Variants in UTRN observed in about 807,000 individuals in gnomAD.
UTRN encodes utrophin.
In UTRN, 283 loss-of-function variants were observed where a neutral mutation model predicts 463.9. The observed-to-expected ratio is 0.61, with a 90% CI of 0.55 to 0.67. The LOEUF is 0.67. Ranked by LOEUF, UTRN falls within the 30% of genes least tolerant of loss-of-function variation. The probability of loss-of-function intolerance (pLI) is 0.00; values close to 1 mark genes in which losing one functional copy is unlikely to be tolerated. For synonymous variants in UTRN, 1,442 were observed against 1,431.5 expected (o/e 1.01, Z -0.17); for missense variants, 3,922 against 4,084.3 (o/e 0.96, Z 1.08).
chr6:144,521,936 GATATAT>G (rs371296883), intron 39 of UTRN, 38 bp from the exon 40 acceptor site: 17 of 841,988 alleles, frequency 2.0e-5, no homozygotes, highest in South Asian at 3.4e-5. Context: ...TATTTTAAGA[GATATAT>G]ATATATATAT....
At chr6:144,423,007 C>A (rs1193893126) in intron 4 of UTRN, among the ~76,000 whole-genome samples, 2 of 152,216 alleles carry the variant, frequency 1.3e-5, no homozygotes, top group Non-Finnish European at 2.9e-5. Flanking sequence ...TGGGAATTCC[C>A]TGCCTTCCGA....
At chr6:144,294,726 A>T (rs1435698278) in intron 2 of UTRN, among the ~76,000 whole-genome samples, 1 of 152,128 alleles carries the variant, frequency 6.6e-6, no homozygotes, top group East Asian at 1.9e-4. Flanking sequence ...ATTTTATGTT[A>T]AGTTATTGTG....
intron 51 of UTRN, among the ~76,000 whole-genome samples, chr6:144,628,457 C>G (rs1020966106): frequency 1.3e-5 from 2 of 152,056 alleles, no homozygotes; most frequent in African/African-American, 2.4e-5. Flanking sequence ...CACCAGAAAC[C>G]ATTGGTTTCT....
At chr6:144,741,182 T>C (rs1790030465) in intron 54 of UTRN, among the ~76,000 whole-genome samples, 1 of 152,230 alleles carries the variant, frequency 6.6e-6, no homozygotes, top group African/African-American at 2.4e-5. Flanking sequence ...TCATCACTTA[T>C]TTTGGCAGTA....
chr6:144,714,814 A>G (rs895358149), intron 53 of UTRN, among the ~76,000 whole-genome samples: 1 of 152,066 alleles, frequency 6.6e-6, no homozygotes, highest in Non-Finnish European at 1.5e-5. Context: ...GTGTTGGCTG[A>G]GCTTTGACTA....
intron 51 of UTRN, among the ~76,000 whole-genome samples, chr6:144,653,903 A>C (rs945743393): frequency 1.3e-5 from 2 of 152,230 alleles, no homozygotes; most frequent in Non-Finnish European, 2.9e-5. Flanking sequence ...AAAGTAAAGG[A>C]ATTCTTCATT....
At chr6:144,807,153 T>A (rs573049252) in intron 65 of UTRN, among the ~76,000 whole-genome samples, 1 of 152,236 alleles carries the variant, frequency 6.6e-6, no homozygotes, top group East Asian at 1.9e-4. Flanking sequence ...GATGCTCCAG[T>A]CACCTTACTG....
intron 23 of UTRN, among the ~76,000 whole-genome samples, chr6:144,464,782 G>A (rs940330693): frequency 2.0e-5 from 3 of 152,126 alleles, no homozygotes; most frequent in African/African-American, 4.8e-5. Flanking sequence ...TTACAGACAT[G>A]AGCCACCATG....
At chr6:144,537,302 G>A (rs977707462) in intron 43 of UTRN, among the ~76,000 whole-genome samples, 4 of 151,768 alleles carry the variant, frequency 2.6e-5, no homozygotes, top group Non-Finnish European at 4.4e-5. Context: ...AAAGGCTTTT[G>A]TATTCAATTT....
rs370658710 is a variant in UTRN at position 144,542,437 on chromosome 6, TG to T, written c.6520-356del. Among the ~76,000 whole-genome samples, 10 of 152,112 alleles carry T rather than the reference TG, an allele frequency of 6.6e-5. No homozygotes were observed. In the East Asian group the frequency reaches 1.9e-3, roughly 29 times the overall value. ...TGCCCTGAAGGATATTGGTATTTGA[TG>T]GATGGGCAGAGGAAAAGGAGTTGGT... On this transcript the variant is annotated intron_variant, in intron 45 of 74. Coordinates refer to ENST00000367545, the MANE Select transcript of UTRN (RefSeq NM_007124.3).
chr6:144,459,325 T>C lies in UTRN; in HGVS notation c.2678T>C (p.Val893Ala), dbSNP rs774195329. The change falls in exon 21 of 75, where the codon GTA (valine) becomes GCA (alanine). Residue 893 changes from valine (V) to alanine (A), a missense_variant. Val to Ala is a moderately conservative substitution (Grantham distance 64, BLOSUM62 0). Transcript: ENST00000367545. ...CGCTACCAAGCTGTACAAGAGGCTG[T>C]AGAGGATCGTCAACAACATCTAGAG... ...LGRYQAVQEA[V>A]EDRQQHLENE... 21 of 1,608,994 alleles carry C rather than the reference T, an allele frequency of 1.3e-5. No individual in the cohort carries two copies. The South Asian group carries it at 2.0e-4, about 15-fold the overall frequency.
intron 69 of UTRN, among the ~76,000 whole-genome samples, chr6:144,835,130 G>A (rs1780995968): frequency 6.6e-6 from 1 of 152,172 alleles, no homozygotes; most frequent in Admixed American, 6.5e-5. Context: ...ATTCAACCAC[G>A]TTACTGCTAT....
intron 35 of UTRN, among the ~76,000 whole-genome samples, chr6:144,512,720 T>G (rs1795283330): frequency 6.6e-6 from 1 of 152,066 alleles, no homozygotes; most frequent in Admixed American, 6.6e-5. Flanking sequence ...TTTTTATTTT[T>G]TGTAGAGAGG....
At chr6:144,453,642 A>G (rs1788544527) in intron 18 of UTRN, 140 bp from the exon 19 acceptor site, 2 of 592,938 alleles carry the variant, frequency 3.4e-6, no homozygotes, top group African/African-American at 3.7e-5. Context: ...AATGCTTTTT[A>G]GTTGCTATGA....
Position 144,789,670 on chromosome 6 carries a change from A to G in UTRN, c.8920+391A>G, listed in dbSNP as rs149999437. On this transcript the variant is annotated intron_variant, in intron 62 of 74. Transcript: ENST00000367545. ...TGATAAGGGATGGGGCTAGAATTAG[A>G]TACTAGGTTTTTCTGACTCCAAAGC... Among the ~76,000 whole-genome samples the G allele has an allele frequency of 1.2e-4, 19 of 152,322 alleles. No homozygotes were observed. The East Asian group carries it at 2.3e-3, about 19-fold the overall frequency.
rs1474464054 is a variant in UTRN at position 144,808,173 on chromosome 6, TAGAG to T, written c.9357+5030_9357+5033del. Reference sequence around the variant, plus strand: ...CAGGCATTTTGCTAGGAGTTGGAAATAGAGAGAAAATTTCATGAAGGAGAAAAAA... The same window carrying T: ...CAGGCATTTTGCTAGGAGTTGGAAATAGAAAATTTCATGAAGGAGAAAAAA... On this transcript the variant is annotated intron_variant, in intron 65 of 74. Coordinates refer to ENST00000367545, the MANE Select transcript of UTRN (RefSeq NM_007124.3). Among the ~76,000 whole-genome samples, 19 of 152,170 alleles carry T rather than the reference TAGAG, an allele frequency of 1.2e-4. No individual in the cohort carries two copies. In the South Asian group the frequency reaches 1.7e-3, roughly 13 times the overall value.
At chr6:144,317,119 C>T (rs1775331423) in intron 2 of UTRN, among the ~76,000 whole-genome samples, 2 of 152,174 alleles carry the variant, frequency 1.3e-5, no homozygotes, top group African/African-American at 4.8e-5. Flanking sequence ...CATAAATTCT[C>T]ACAAATACAT....
chr6:144,554,792 A>G lies in UTRN; in HGVS notation c.7033A>G (p.Arg2345Gly). Residue 2345 changes from arginine (R) to glycine (G), a missense_variant, in exon 49 of 75, where the codon AGG becomes GGG. By Grantham distance (125) the Arg-to-Gly change is moderately radical. This residue lies in a region of UTRN where 1,309 missense variants were observed against 1,452.6 expected (regional missense o/e 0.90). Coordinates refer to ENST00000367545, the MANE Select transcript of UTRN (RefSeq NM_007124.3). Reference protein sequence around the residue: ...IIDSLQWDDHREETEELMRKY... With the variant: ...IIDSLQWDDHGEETEELMRKY... ...TGACAGTCTTCAGTGGGATGACCAT[A>G]GGGAGGAGACTGAAGAACTGATGAG... The G allele has an allele frequency of 6.2e-7, 1 of 1,614,090 alleles. No homozygotes were observed. The highest frequency in any genetic ancestry group is 8.5e-7 in the Non-Finnish European group (1 of 1,179,986).
At chr6:144,817,365 G>GTAATGA (rs1016219499) in intron 65 of UTRN, among the ~76,000 whole-genome samples, 18 of 152,068 alleles carry the variant, frequency 1.2e-4, no homozygotes, top group African/African-American at 4.3e-4. Context: ...AATTTGTGTA[G>GTAATGA]TAATGATTGT....
Sources: gnomAD v4.1 joint callset for allele counts (sites outside exome capture counted in the v4.1 genomes callset) on GRCh38, gnomAD v4.1.1 for gene constraint, gnomAD v4.1.1 regional missense constraint, MANE v1.5 for transcripts, NCBI Gene and HGNC (gene_info 2026-07-23, HGNC 2026-07-21) for gene names.